Variants in PTPRM observed in about 807,000 individuals in gnomAD.
The protein encoded by PTPRM is receptor-type tyrosine-protein phosphatase mu.
In PTPRM, 47 loss-of-function variants were observed where a neutral mutation model predicts 186.7. The observed-to-expected ratio is 0.25, with a 90% confidence interval of 0.20 to 0.32. The LOEUF (loss-of-function observed/expected upper bound fraction) is 0.32, where lower values mean the gene tolerates loss of function less well. PTPRM is among the 10% of genes least tolerant of loss of function. PTPRM has a pLI of 1.00. For synonymous variants in PTPRM, 668 were observed against 674.9 expected (o/e 0.99, Z 0.16); for missense variants, 1,494 against 1,865.0 (o/e 0.80, Z 3.66).
At chr18:7,747,065 G>A (rs2144562707) in intron 1 of PTPRM, among the ~76,000 whole-genome samples, 1 of 152,206 alleles carries the variant, frequency 6.6e-6, no homozygotes, top group African/African-American at 2.4e-5. Context: ...TGTTGTTTGT[G>A]GCCATGATTT....
At chr18:8,089,234 T>G (rs1471393627) in intron 11 of PTPRM, among the ~76,000 whole-genome samples, 1 of 152,166 alleles carries the variant, frequency 6.6e-6, no homozygotes, top group African/African-American at 2.4e-5. Context: ...ATTTGTGTGT[T>G]TACTTTGGGT....
chr18:8,135,313 G>A (rs2092612874), intron 13 of PTPRM, among the ~76,000 whole-genome samples: 1 of 152,184 alleles, frequency 6.6e-6, no homozygotes, highest in African/African-American at 2.4e-5. Flanking sequence ...TATATTAGGA[G>A]ATGTTTTAAG....
At chr18:8,021,313 A>AAG (rs200464518) in intron 7 of PTPRM, among the ~76,000 whole-genome samples, 2 of 119,158 alleles carry the variant, frequency 1.7e-5, no homozygotes, top group African/African-American at 6.7e-5. Flanking sequence ...TTAAGCATAA[A>AAG]AGAGACACAC....
intron 1 of PTPRM, among the ~76,000 whole-genome samples, chr18:7,653,991 CT>C (rs1408548919): frequency 6.6e-6 from 1 of 152,112 alleles, no homozygotes; most frequent in Non-Finnish European, 1.5e-5. Context: ...TATTTTTTGA[CT>C]TTTTAATAAT....
intron 1 of PTPRM, among the ~76,000 whole-genome samples, chr18:7,683,452 C>T (rs890752250): frequency 3.9e-5 from 6 of 152,164 alleles, no homozygotes; most frequent in Non-Finnish European, 8.8e-5. Context: ...GGATTATAGG[C>T]GTGAGCCACT....
intron 13 of PTPRM, among the ~76,000 whole-genome samples, chr18:8,140,242 G>A (rs1366738700): frequency 6.6e-6 from 1 of 152,040 alleles, no homozygotes; most frequent in Non-Finnish European, 1.5e-5. Context: ...TGGATCTTCT[G>A]GGAAAATTTG....
chr18:8,361,739 G>T (rs1282388912), intron 23 of PTPRM, among the ~76,000 whole-genome samples: 2 of 152,148 alleles, frequency 1.3e-5, no homozygotes, highest in Non-Finnish European at 2.9e-5. Flanking sequence ...ATGGTTCAGT[G>T]ACTTGCACAA....
intron 7 of PTPRM, among the ~76,000 whole-genome samples, chr18:7,963,989 A>C (rs1260666585): frequency 1.3e-5 from 2 of 152,160 alleles, no homozygotes; most frequent in African/African-American, 4.8e-5. Flanking sequence ...ACAATTCTTA[A>C]AGAGACCCCA....
intron 14 of PTPRM, among the ~76,000 whole-genome samples, chr18:8,164,285 G>T (rs980984383): frequency 6.6e-6 from 1 of 152,238 alleles, no homozygotes; most frequent in South Asian, 2.1e-4. Context: ...AGTGAAAAAG[G>T]TTCTATGCTG....
intron 1 of PTPRM, among the ~76,000 whole-genome samples, chr18:7,756,771 G>T (rs998777137): frequency 2.6e-5 from 4 of 152,178 alleles, no homozygotes; most frequent in African/African-American, 9.7e-5. Context: ...GGCATCATCT[G>T]CTCTGGGACT....
chr18:8,213,241 A>G (rs12959290), intron 14 of PTPRM, among the ~76,000 whole-genome samples: 42,362 of 152,122 alleles, frequency 0.28, 6,003 homozygotes, highest in Middle Eastern at 0.51. Flanking sequence ...TGCACACGAA[A>G]GGTAACAGCA....
At chr18:7,666,713 TTTTA>T (rs913844552) in intron 1 of PTPRM, among the ~76,000 whole-genome samples, 86 of 152,314 alleles carry the variant, frequency 5.6e-4, no homozygotes, top group African/African-American at 2.1e-3. Flanking sequence ...ACATTTTTGT[TTTTA>T]TTTATCCCCT....
chr18:7,844,397 T>C (rs1158652355), intron 2 of PTPRM, among the ~76,000 whole-genome samples: 1 of 152,208 alleles, frequency 6.6e-6, no homozygotes, highest in African/African-American at 2.4e-5. Flanking sequence ...GATATTTTCA[T>C]TGTGGATTTG....
chr18:7,744,171 A>G (rs1221542087), intron 1 of PTPRM, among the ~76,000 whole-genome samples: 1 of 152,182 alleles, frequency 6.6e-6, no homozygotes, highest in East Asian at 1.9e-4. Context: ...TTTGAGGCTC[A>G]AAAAGGCCAC....
At chr18:8,358,990 C>T (rs1396854874) in intron 23 of PTPRM, among the ~76,000 whole-genome samples, 1 of 152,174 alleles carries the variant, frequency 6.6e-6, no homozygotes, top group Non-Finnish European at 1.5e-5. Context: ...GAGTGAAGGT[C>T]ACTACACCTG....
At chr18:8,178,077 A>T (rs967561891) in intron 14 of PTPRM, among the ~76,000 whole-genome samples, 2 of 152,112 alleles carry the variant, frequency 1.3e-5, no homozygotes, top group African/African-American at 4.8e-5. Context: ...CACTCCTGAG[A>T]TCTTATTGGG....
chr18:7,777,485 A>G (rs1213845032), intron 2 of PTPRM, among the ~76,000 whole-genome samples: 1 of 152,234 alleles, frequency 6.6e-6, no homozygotes, highest in Non-Finnish European at 1.5e-5. Flanking sequence ...TAGTGGCAAC[A>G]GAGACTGGTC....
chr18:8,240,145 AAG>A (rs1233033046), intron 14 of PTPRM, among the ~76,000 whole-genome samples: 1 of 152,170 alleles, frequency 6.6e-6, no homozygotes, highest in African/African-American at 2.4e-5. Context: ...GAGAAAGAAA[AAG>A]AGAGAAACAA....
At chr18:7,587,875 T>A (rs1365770419) in intron 1 of PTPRM, among the ~76,000 whole-genome samples, 1 of 152,196 alleles carries the variant, frequency 6.6e-6, no homozygotes, top group Non-Finnish European at 1.5e-5. Context: ...ACGTGCTTTC[T>A]ATCAGATAAA....
Sources: allele counts gnomAD v4.1 joint callset (sites outside exome capture counted in the v4.1 genomes callset), GRCh38; gene constraint gnomAD v4.1.1; transcripts MANE v1.5; gene names NCBI Gene and HGNC (gene_info 2026-07-23, HGNC 2026-07-21).